Variants in FOXN3 observed in about 807,000 individuals in gnomAD.
FOXN3 encodes the protein forkhead box N3.
A neutral mutation model predicts 38.4 loss-of-function variants in FOXN3; 7 were observed. The observed-to-expected ratio is 0.18, with a 90% CI of 0.10 to 0.34. The LOEUF is 0.34. FOXN3 is among the 10% of genes least tolerant of loss of function. FOXN3 has a pLI of 1.00. For synonymous variants in FOXN3, 230 were observed against 242.2 expected (o/e 0.95, Z 0.47); for missense variants, 456 against 613.4 (o/e 0.74, Z 2.71).
intron 1 of FOXN3, among the ~76,000 whole-genome samples, chr14:89,449,410 T>C (rs1892571884): frequency 1.3e-5 from 2 of 152,228 alleles, no homozygotes; most frequent in South Asian, 4.1e-4. Context: ...AATTCTTTTC[T>C]TTGTCTCAAA....
rs1468559417 is a variant in FOXN3, at chr14:89,337,153, A to G, written c.680+13519T>C. 5.3e-5 allele frequency among the ~76,000 whole-genome samples: 8 copies of G among 152,156 alleles called. No individual in the cohort carries two copies. The East Asian group carries it at 1.5e-3, about 29-fold the overall frequency. On this transcript the variant is annotated intron_variant, in intron 3 of 5. Transcript: ENST00000557258. ...GAAAAATCAGGACCTCTGGCACCAC[A>G]GATTTGTGAGTTCTGCACACAGATT...
rs1555419017 is a variant in FOXN3 at position 89,336,170 on chromosome 14, A to ACACAAG, written c.680+14501_680+14502insCTTGTG. Among the ~76,000 whole-genome samples the ACACAAG allele has an allele frequency of 1.4e-3, 205 of 148,686 alleles. 3 individuals are homozygous for ACACAAG. In the South Asian group the frequency reaches 0.02, roughly 15 times the overall value. On this transcript the variant is annotated intron_variant, in intron 3 of 5. Coordinates refer to ENST00000557258, the MANE Select transcript of FOXN3 (RefSeq NM_005197.4). ...CACACACACACACACACACACACAC[A>ACACAAG]CATTCATAATCCTTAGTCACCCCTT...
chr14:89,359,196 T>TGA (rs1053983532), intron 2 of FOXN3, among the ~76,000 whole-genome samples: 4 of 151,894 alleles, frequency 2.6e-5, no homozygotes, highest in African/African-American at 7.3e-5. Context: ...CTTGGGAGGC[T>TGA]GAGGCAGGAG....
intron 5 of FOXN3, among the ~76,000 whole-genome samples, chr14:89,178,028 T>C (rs1887568202): frequency 6.6e-6 from 1 of 152,150 alleles, no homozygotes; most frequent in African/African-American, 2.4e-5. Context: ...TTTTGATTTT[T>C]ACATGGTCTC....
At chr14:89,466,064 A>T (rs1033522064) in intron 1 of FOXN3, among the ~76,000 whole-genome samples, 9 of 152,238 alleles carry the variant, frequency 5.9e-5, no homozygotes, top group Admixed American at 2.6e-4. Flanking sequence ...GTCACTGAGC[A>T]GGTGGGTAGG....
At chr14:89,267,748 GA>G (rs1255740886) in intron 4 of FOXN3, among the ~76,000 whole-genome samples, 1 of 152,150 alleles carries the variant, frequency 6.6e-6, no homozygotes, top group African/African-American at 2.4e-5. Flanking sequence ...GCAGTGAGGG[GA>G]AGATCAGATG....
chr14:89,496,858 TA>T (rs1238909456), intron 1 of FOXN3, among the ~76,000 whole-genome samples: 1 of 152,224 alleles, frequency 6.6e-6, no homozygotes, highest in Non-Finnish European at 1.5e-5. Flanking sequence ...TTCTACCTCA[TA>T]AAAGTGGAAC....
chr14:89,571,480 G>T (rs544666709), intron 1 of FOXN3, among the ~76,000 whole-genome samples: 2 of 150,880 alleles, frequency 1.3e-5, no homozygotes, highest in African/African-American at 4.9e-5. Flanking sequence ...CTACACTCCA[G>T]CCTGGGCAGG....
chr14:89,566,879 T>C (rs1226350037), intron 1 of FOXN3, among the ~76,000 whole-genome samples: 1 of 151,040 alleles, frequency 6.6e-6, no homozygotes, highest in Non-Finnish European at 1.5e-5. Context: ...CTCCTCTTCC[T>C]TACCCTCCTT....
At chr14:89,507,657 G>T (rs1490322712) in intron 1 of FOXN3, among the ~76,000 whole-genome samples, 1 of 152,096 alleles carries the variant, frequency 6.6e-6, no homozygotes, top group Admixed American at 6.5e-5. Context: ...GCAAGGAAAG[G>T]TCAATGCCCA....
At chr14:89,190,560 C>T in intron 4 of FOXN3, 1 of 771,222 alleles carries the variant, frequency 1.3e-6, no homozygotes, top group Non-Finnish European at 2.1e-6. Flanking sequence ...AAAAAAATAT[C>T]CAGCAACTGG....
At chr14:89,404,527 A>AAT (rs1891338454) in intron 2 of FOXN3, among the ~76,000 whole-genome samples, 2 of 149,544 alleles carry the variant, frequency 1.3e-5, no homozygotes, top group South Asian at 4.2e-4. Flanking sequence ...AAAAAAAAAA[A>AAT]AAATCGGCAG....
intron 1 of FOXN3, among the ~76,000 whole-genome samples, chr14:89,610,606 C>G (rs1896369892): frequency 6.6e-6 from 1 of 152,204 alleles, no homozygotes; most frequent in Non-Finnish European, 1.5e-5. Flanking sequence ...GGAAGGATCT[C>G]ATGAGGGTGG....
At chr14:89,451,028 T>C (rs1013057480) in intron 1 of FOXN3, among the ~76,000 whole-genome samples, 1 of 152,178 alleles carries the variant, frequency 6.6e-6, no homozygotes, top group Non-Finnish European at 1.5e-5. Flanking sequence ...ATAACTGCCT[T>C]AGTTTCCCCA....
intron 1 of FOXN3, among the ~76,000 whole-genome samples, chr14:89,528,882 G>C (rs1193139699): frequency 6.6e-6 from 1 of 152,162 alleles, no homozygotes; most frequent in Non-Finnish European, 1.5e-5. Flanking sequence ...TGAAAGGAGA[G>C]ATGACAAATG....
At chr14:89,403,492 G>A (rs919799106) in intron 2 of FOXN3, among the ~76,000 whole-genome samples, 2 of 152,220 alleles carry the variant, frequency 1.3e-5, no homozygotes, top group African/African-American at 4.8e-5. Flanking sequence ...GAGCCACCAC[G>A]CCCAGCCTAA....
At chr14:89,371,775 T>C (rs1371686640) in intron 2 of FOXN3, among the ~76,000 whole-genome samples, 2 of 152,088 alleles carry the variant, frequency 1.3e-5, no homozygotes, top group Non-Finnish European at 1.5e-5. Flanking sequence ...GTTAACCCCC[T>C]GACTCCCTCT....
At chr14:89,293,477 A>G (rs1431280854) in intron 3 of FOXN3, among the ~76,000 whole-genome samples, 2 of 152,174 alleles carry the variant, frequency 1.3e-5, no homozygotes, top group Non-Finnish European at 2.9e-5. Flanking sequence ...CCTCCCTCGC[A>G]GCTGCTGGTG....
At chr14:89,607,975 C>T (rs1259911639) in intron 1 of FOXN3, among the ~76,000 whole-genome samples, 8 of 108,764 alleles carry the variant, frequency 7.4e-5, no homozygotes, top group Non-Finnish European at 1.3e-4. Flanking sequence ...CGCCACAACA[C>T]CCAGCTAATT....
Sources: allele counts gnomAD v4.1 joint callset (sites outside exome capture counted in the v4.1 genomes callset), GRCh38; gene constraint gnomAD v4.1.1; transcripts MANE v1.5; gene names NCBI Gene and HGNC (gene_info 2026-07-23, HGNC 2026-07-21).